Variants in DNAJC15 observed in about 807,000 individuals in gnomAD.
DNAJC15 encodes dnaJ homolog subfamily C member 15.
Under a neutral mutation model 22.4 loss-of-function variants are expected in DNAJC15, and 27 were observed. The ratio of observed to expected loss-of-function variants is 1.20; its 90% confidence interval spans 0.89 to 1.66. The LOEUF (loss-of-function observed/expected upper bound fraction) is 1.66. DNAJC15 is among the 40% of genes most tolerant of loss of function. The pLI is 0.00. For synonymous variants in DNAJC15, 79 were observed against 63.2 expected (o/e 1.25, Z -1.19); for missense variants, 208 against 187.1 (o/e 1.11, Z -0.65).
At position 43,035,961 on chromosome 13, in the gene DNAJC15, A is replaced by G. The variant is rs2040427034; in HGVS notation, c.108+12227A>G. On this transcript the variant is annotated intron_variant, in intron 1 of 5. Transcript: ENST00000379221. ...AGGCTGGTCTTGAACTCCTGGGCTC[A>G]AGGGATTCTCCCACCTCTGCTTCTC... 3.9e-5 allele frequency among the ~76,000 whole-genome samples: 6 copies of G among 152,030 alleles called. No individual in the cohort carries two copies. The South Asian group carries it at 1.0e-3, about 26-fold the overall frequency.
chr13:43,075,121 C>T (rs118013577), intron 3 of DNAJC15, among the ~76,000 whole-genome samples: 5,168 of 152,220 alleles, frequency 0.034, 104 homozygotes, highest in Non-Finnish European at 0.053. Flanking sequence ...CTTTTCTGCA[C>T]CCAGCCCCAC....
At chr13:43,056,186 T>C (rs1313092854) in intron 1 of DNAJC15, among the ~76,000 whole-genome samples, 1 of 151,984 alleles carries the variant, frequency 6.6e-6, no homozygotes, top group East Asian at 1.9e-4. Context: ...AGTTTCGCTC[T>C]TGTTGCCTAG....
chr13:43,074,386 A>G (rs756586268), intron 3 of DNAJC15, among the ~76,000 whole-genome samples: 7 of 152,216 alleles, frequency 4.6e-5, no homozygotes, highest in Non-Finnish European at 1.0e-4. Flanking sequence ...GGATAGTACA[A>G]AATAATCATT....
intron 2 of DNAJC15, among the ~76,000 whole-genome samples, chr13:43,067,516 A>G (rs1468360421): frequency 6.6e-6 from 1 of 152,190 alleles, no homozygotes; most frequent in Non-Finnish European, 1.5e-5. Flanking sequence ...AAATTAGATA[A>G]AGATGTATTT....
chr13:43,084,145 G>A (rs537043127), intron 4 of DNAJC15, among the ~76,000 whole-genome samples: 2 of 152,226 alleles, frequency 1.3e-5, no homozygotes, highest in South Asian at 2.1e-4. Context: ...TTTAGTAGGA[G>A]GACAAGCAAA....
At chr13:43,087,672 TC>T (rs1263442453) in intron 5 of DNAJC15, among the ~76,000 whole-genome samples, 1 of 152,168 alleles carries the variant, frequency 6.6e-6, no homozygotes, top group Non-Finnish European at 1.5e-5. Flanking sequence ...TGAATATGTT[TC>T]CCCACCCACC....
chr13:43,092,863 A>G (rs1346583146), intron 5 of DNAJC15, among the ~76,000 whole-genome samples: 2 of 152,184 alleles, frequency 1.3e-5, no homozygotes, highest in East Asian at 1.9e-4. Context: ...ACGGTGAGCT[A>G]TGATCATGCT....
intron 1 of DNAJC15, among the ~76,000 whole-genome samples, chr13:43,025,869 A>C (rs913115369): frequency 6.6e-6 from 1 of 152,210 alleles, no homozygotes; most frequent in African/African-American, 2.4e-5. Context: ...ATGCCACTGC[A>C]CTCCAGCCTG....
intron 1 of DNAJC15, among the ~76,000 whole-genome samples, chr13:43,046,014 G>C (rs1366822708): frequency 5.3e-5 from 8 of 152,096 alleles, no homozygotes; most frequent in Non-Finnish European, 4.4e-5. Context: ...ATTAATTAAT[G>C]AACCAGTCAG....
In DNAJC15 at chr13:43,107,367, T is replaced by A. The variant is rs1385966439; in HGVS notation, c.*119T>A. On this transcript the variant is annotated 3_prime_UTR_variant, in exon 6 of 6. Transcript: ENST00000379221. ...TCTATATGGATTGACCACAGTCTTA[T>A]CTTCCACCATTAAGCTGTATAACAA... 1.4e-6 allele frequency: 1 copy of A among 696,296 alleles called. No individual in the cohort carries two copies. 43.1% of individuals were successfully genotyped at this position (696,296 alleles called of 1,614,324 possible). A position where few individuals can be genotyped will look rare whatever the true frequency, so the allele number is the denominator to read the frequency against.
intron 1 of DNAJC15, among the ~76,000 whole-genome samples, chr13:43,050,287 C>A (rs1394081004): frequency 1.3e-5 from 2 of 152,050 alleles, no homozygotes; most frequent in East Asian, 3.8e-4. Context: ...TACTTTTATT[C>A]TTTCCTTTAA....
rs144779926 is a variant in DNAJC15, at chr13:43,110,278, G to T, written c.*3030G>T. On this transcript the variant is annotated 3_prime_UTR_variant, in exon 6 of 6. Coordinates refer to ENST00000379221, the MANE Select transcript of DNAJC15 (RefSeq NM_013238.3). ...AGCTGTCTTATAACAGAGAGTGGTC[G>T]GTCTGAGAGACAAAAAATGGAAGCT... The T allele has an allele frequency of 1.3e-5, 2 of 152,260 alleles. No homozygotes were observed. The highest frequency in any genetic ancestry group is 4.8e-5 in the African/African-American group (2 of 41,520). 9.4% of individuals were successfully genotyped at this position (152,260 alleles called of 1,614,324 possible).
chr13:43,042,314 T>C (rs2040458103), intron 1 of DNAJC15, among the ~76,000 whole-genome samples: 1 of 152,226 alleles, frequency 6.6e-6, no homozygotes, highest in Non-Finnish European at 1.5e-5. Flanking sequence ...GTATGGTCTC[T>C]CTTTCTCTGG....
chr13:43,057,837 C>T (rs752823290), intron 1 of DNAJC15, among the ~76,000 whole-genome samples: 4 of 152,120 alleles, frequency 2.6e-5, no homozygotes, highest in Non-Finnish European at 4.4e-5. Context: ...ATTGGGCTTC[C>T]GGAGAGCCAG....
intron 5 of DNAJC15, among the ~76,000 whole-genome samples, chr13:43,096,161 C>T (rs746028821): frequency 2.6e-5 from 4 of 151,866 alleles, no homozygotes; most frequent in Non-Finnish European, 5.9e-5. Context: ...TCTCAAAAGT[C>T]AATTGTATAA....
At chr13:43,074,044 T>C (rs367816179) in intron 3 of DNAJC15, among the ~76,000 whole-genome samples, 13 of 152,230 alleles carry the variant, frequency 8.5e-5, no homozygotes, top group African/African-American at 2.9e-4. Flanking sequence ...ATTTATTTTG[T>C]TTTATGATCA....
chr13:43,105,216 G>C (rs1370940037), intron 5 of DNAJC15, among the ~76,000 whole-genome samples: 1 of 152,006 alleles, frequency 6.6e-6, no homozygotes, highest in African/African-American at 2.4e-5. Flanking sequence ...GCTGCCACTA[G>C]AACTGTGGGA....
intron 1 of DNAJC15, among the ~76,000 whole-genome samples, chr13:43,057,454 T>C (rs1348011162): frequency 6.6e-6 from 1 of 152,192 alleles, no homozygotes; most frequent in Non-Finnish European, 1.5e-5. Flanking sequence ...AAGTTGTGAT[T>C]GTTTTTTCTT....
intron 1 of DNAJC15, among the ~76,000 whole-genome samples, chr13:43,033,593 T>C (rs1167045445): frequency 6.6e-6 from 1 of 152,226 alleles, no homozygotes; most frequent in African/African-American, 2.4e-5. Context: ...TTTTTCAGAC[T>C]TGCTTTATTT....
Sources: gnomAD v4.1 joint callset for allele counts (sites outside exome capture counted in the v4.1 genomes callset) on GRCh38, gnomAD v4.1.1 for gene constraint, MANE v1.5 for transcripts, NCBI Gene and HGNC (gene_info 2026-07-23, HGNC 2026-07-21) for gene names.